The following AKIRIN2 variants were observed in gnomAD, a reference collection of about 807,000 sequenced individuals.
AKIRIN2 encodes akirin-2.
Under a neutral mutation model 29.3 loss-of-function variants are expected in AKIRIN2, and 6 were observed. The ratio of observed to expected loss-of-function variants is 0.20; its 90% CI spans 0.11 to 0.40. The LOEUF is 0.40. Ranked by LOEUF, AKIRIN2 falls within the 10% of genes least tolerant of loss-of-function variation. AKIRIN2 has a pLI of 1.00. For missense variants in AKIRIN2, 210 were observed against 276.1 expected, an observed-to-expected ratio of 0.76 and a Z score of 1.70; for synonymous variants, 128 against 117.5, an observed-to-expected ratio of 1.09 and a Z score of -0.58.
In AKIRIN2 at chr6:87,675,900, A is replaced by G. The variant is rs774336739; in HGVS notation, c.561T>C (p.His187=). 1.9e-6 allele frequency: 3 copies of G among 1,613,758 alleles called. No homozygotes were observed. The highest frequency in any genetic ancestry group is 2.5e-6 in the Non-Finnish European group (3 of 1,179,916). ...CTCCATATCGTCGCATTATTTGATC[A>G]TGCGTAAACTTCACAAACGCATCAT... ...EQYDAFVKFT[H]DQIMRRYGEQ... Residue 187 remains histidine, a synonymous_variant, in exon 4 of 5, where the codon CAT becomes CAC. Coordinates refer to ENST00000257787, the MANE Select transcript of AKIRIN2 (RefSeq NM_018064.4).
chr6:87,691,160 T>C (rs1050654101), intron 1 of AKIRIN2, among the ~76,000 whole-genome samples: 1 of 151,668 alleles, frequency 6.6e-6, no homozygotes, highest in Admixed American at 6.6e-5. Flanking sequence ...AAGTCCAAAT[T>C]AGGCTGGGCG....
chr6:87,697,832 A>T (rs1771396252), intron 1 of AKIRIN2, among the ~76,000 whole-genome samples: 1 of 152,258 alleles, frequency 6.6e-6, no homozygotes, highest in Non-Finnish European at 1.5e-5. Context: ...TTCCTAAGGC[A>T]GATTAATGGT....
intron 1 of AKIRIN2, among the ~76,000 whole-genome samples, chr6:87,697,937 A>G (rs1771397865): frequency 6.6e-6 from 1 of 152,248 alleles, no homozygotes; most frequent in South Asian, 2.1e-4. Flanking sequence ...CATTCACTAC[A>G]TAATGAAAAC....
At chr6:87,687,372 G>A (rs1444662969) in intron 1 of AKIRIN2, among the ~76,000 whole-genome samples, 1 of 137,186 alleles carries the variant, frequency 7.3e-6, no homozygotes, top group Non-Finnish European at 1.5e-5. Context: ...AAGAAACCCT[G>A]TCTCTACTAA....
intron 1 of AKIRIN2, among the ~76,000 whole-genome samples, chr6:87,685,833 A>T (rs958326550): frequency 4.6e-5 from 7 of 152,170 alleles, no homozygotes; most frequent in Non-Finnish European, 1.0e-4. Flanking sequence ...CAAACCTAGT[A>T]CATGACACTA....
chr6:87,698,224 G>A (rs948228247), intron 1 of AKIRIN2, among the ~76,000 whole-genome samples: 2 of 151,814 alleles, frequency 1.3e-5, no homozygotes, highest in Admixed American at 1.3e-4. Flanking sequence ...CATACCCAGG[G>A]GTATTATAAA....
chr6:87,680,764 C>CCA (rs1554257194), intron 2 of AKIRIN2, among the ~76,000 whole-genome samples: 3 of 20,322 alleles, frequency 1.5e-4, no homozygotes, highest in Non-Finnish European at 2.7e-4. Context: ...TTATTCCCCG[C>CCA]CCCCCCCCTT....
At chr6:87,687,194 A>G (rs1771201515) in intron 1 of AKIRIN2, among the ~76,000 whole-genome samples, 1 of 148,868 alleles carries the variant, frequency 6.7e-6, no homozygotes. Context: ...TAACAGAGCA[A>G]TGTACAGTTC....
At chr6:87,678,049 G>A (rs1038873671) in intron 2 of AKIRIN2, 82 bp from the exon 3 acceptor site, 14 of 1,299,372 alleles carry the variant, frequency 1.1e-5, no homozygotes, top group Non-Finnish European at 1.5e-5. Flanking sequence ...GTTTTATTTG[G>A]ATCTCTTCAA....
In AKIRIN2 at chr6:87,677,877, T is replaced by C. The variant is rs1562396237; in HGVS notation, c.470A>G (p.Lys157Arg). 2 of 1,614,156 alleles carry C rather than the reference T, an allele frequency of 1.2e-6. No homozygotes were observed. The highest frequency in any genetic ancestry group is 8.5e-7 in the Non-Finnish European group (1 of 1,180,024). ...QVGMICERLL[K>R]EREEKVREEY... ...TTCTCGAACTTTCTCTTCACGTTCT[T>C]TCAACAAACGTTCACAGATCATCCC... The change falls in exon 3 of 5, where the codon AAA becomes AGA. Residue 157 changes from lysine to arginine, a missense_variant. Lys to Arg is a conservative substitution (Grantham distance 26). This residue lies in a region of AKIRIN2 where 199 missense variants were observed against 236.5 expected (regional missense o/e 0.84). Coordinates refer to ENST00000257787, the MANE Select transcript of AKIRIN2 (RefSeq NM_018064.4).
chr6:87,698,655 T>TA (rs1412599567), intron 1 of AKIRIN2, among the ~76,000 whole-genome samples: 5 of 152,318 alleles, frequency 3.3e-5, no homozygotes, highest in East Asian at 1.9e-4. Flanking sequence ...AAGGAGTCCC[T>TA]AAAAAATTCA....
At chr6:87,676,565 G>A (rs1397863915) in intron 3 of AKIRIN2, among the ~76,000 whole-genome samples, 1 of 143,594 alleles carries the variant, frequency 7.0e-6, no homozygotes, top group Non-Finnish European at 1.5e-5. Flanking sequence ...AGCCATCCTG[G>A]CTAACATGGT....
intron 1 of AKIRIN2, 131 bp from the exon 2 acceptor site, chr6:87,681,894 T>A (rs1439849247): frequency 5.1e-6 from 4 of 781,926 alleles, no homozygotes; most frequent in Non-Finnish European, 7.7e-6. Flanking sequence ...AAAACTGACA[T>A]TTTGGTAGGA....
Position 87,675,457 on chromosome 6 carries a change from T to G in AKIRIN2, c.*140A>C. 2.5e-6 allele frequency: 3 copies of G among 1,207,982 alleles called. 1 individual carries two copies. Among genetic ancestry groups the G allele is most frequent in the South Asian group, 2.6e-5 (2 of 76,936 alleles). 74.8% of individuals were successfully genotyped at this position (1,207,982 alleles called of 1,614,324 possible). ...ATTTCCAAAACCAGTTGCTGCTGCC[T>G]AAGAGTGGTTGCCACTGACGAAAGC... is the stretch of plus-strand genomic sequence containing the variant. On this transcript the variant is annotated 3_prime_UTR_variant, in exon 5 of 5. Coordinates refer to ENST00000257787, the MANE Select transcript of AKIRIN2 (RefSeq NM_018064.4).
chr6:87,687,214 T>C (rs978606299), intron 1 of AKIRIN2, among the ~76,000 whole-genome samples: 1 of 147,406 alleles, frequency 6.8e-6, no homozygotes, highest in Non-Finnish European at 1.5e-5. Context: ...CTGAACTACA[T>C]ACTAGATACT....
At chr6:87,688,145 G>A (rs1771219549) in intron 1 of AKIRIN2, among the ~76,000 whole-genome samples, 1 of 151,942 alleles carries the variant, frequency 6.6e-6, no homozygotes. Context: ...TCTTGTTTTT[G>A]TGGGGGGACA....
chr6:87,681,753 C>A lies in AKIRIN2; in HGVS notation c.246G>T (p.Leu82=). The A allele has an allele frequency of 6.3e-7, 1 of 1,582,608 alleles. No homozygotes were observed. Among genetic ancestry groups the A allele is most frequent in the Non-Finnish European group, 8.6e-7 (1 of 1,169,306 alleles). The change falls in exon 2 of 5, where the codon CTG becomes CTT. Residue 82 remains leucine, a synonymous_variant. Coordinates refer to ENST00000257787, the MANE Select transcript of AKIRIN2 (RefSeq NM_018064.4). ...GTTTATACTCTTGTTTTATGTTGTA[C>A]AGAATTTGTTCTAAAATAAAAAAGT... ...VSSRLTTEQI[L]YNIKQEYKRM...
chr6:87,685,431 CTACT>C (rs1771172068), intron 1 of AKIRIN2, among the ~76,000 whole-genome samples: 1 of 152,222 alleles, frequency 6.6e-6, no homozygotes, highest in East Asian at 1.9e-4. Context: ...AAGTACTTGC[CTACT>C]TAGTCTTAAG....
intron 4 of AKIRIN2, 125 bp from the exon 5 acceptor site, chr6:87,675,732 C>G: frequency 6.9e-7 from 1 of 1,445,022 alleles, no homozygotes; most frequent in Non-Finnish European, 9.6e-7. Flanking sequence ...AGTTATGCTG[C>G]CTATTTCCTC....
Sources: allele counts gnomAD v4.1 joint callset (sites outside exome capture counted in the v4.1 genomes callset), GRCh38; gene constraint gnomAD v4.1.1; regional missense constraint gnomAD v4.1.1; transcripts MANE v1.5; gene names NCBI Gene and HGNC (gene_info 2026-07-23, HGNC 2026-07-21).